DOK6: variants seen among roughly 807,000 people sequenced by gnomAD.
DOK6 encodes the protein downstream of tyrosine kinase 6.
Under a neutral mutation model 44.0 loss-of-function variants are expected in DOK6, and 22 were observed. That is an observed-to-expected ratio of 0.50 (90% CI 0.36 to 0.71). The LOEUF (loss-of-function observed/expected upper bound fraction) is 0.71. Among genes scored for constraint, DOK6 ranks in the 30% least tolerant of loss-of-function variants. The pLI, the probability that DOK6 is intolerant of heterozygous loss-of-function variation, is 0.00. For synonymous variants in DOK6, 166 were observed against 145.5 expected (o/e 1.14, Z -1.01); for missense variants, 340 against 416.4 (o/e 0.82, Z 1.60).
intron 7 of DOK6, among the ~76,000 whole-genome samples, chr18:69,837,721 G>GA (rs200909145): frequency 6.6e-6 from 1 of 152,090 alleles, no homozygotes; most frequent in Admixed American, 6.6e-5. Context: ...TCCCCATGCA[G>GA]AAAAAAATGA....
chr18:69,634,988 C>G (rs1335678768), intron 3 of DOK6, among the ~76,000 whole-genome samples: 1 of 152,206 alleles, frequency 6.6e-6, no homozygotes, highest in Non-Finnish European at 1.5e-5. Context: ...TCACTGACTT[C>G]TTCCTGCCGC....
At chr18:69,768,831 C>A (rs1290621432) in intron 7 of DOK6, among the ~76,000 whole-genome samples, 3 of 151,752 alleles carry the variant, frequency 2.0e-5, no homozygotes, top group African/African-American at 7.3e-5. Flanking sequence ...AGCTGTCCAA[C>A]AATTAATAGA....
chr18:69,763,711 T>C (rs1397749451), intron 7 of DOK6, among the ~76,000 whole-genome samples: 1 of 152,236 alleles, frequency 6.6e-6, no homozygotes. Context: ...TCACCTTGAC[T>C]TTTAATCACC....
intron 1 of DOK6, among the ~76,000 whole-genome samples, chr18:69,418,887 A>C (rs963950775): frequency 6.6e-6 from 1 of 152,028 alleles, no homozygotes; most frequent in Admixed American, 6.6e-5. Context: ...TGGGGAAAAA[A>C]CTTTTTTTGC....
intron 1 of DOK6, among the ~76,000 whole-genome samples, chr18:69,529,465 T>C (rs1355698802): frequency 6.6e-6 from 1 of 152,228 alleles, no homozygotes; most frequent in Non-Finnish European, 1.5e-5. Flanking sequence ...CTTTATTTAT[T>C]TGTGCATTTA....
At position 69,530,202 on chromosome 18, in the gene DOK6, G is replaced by A. The variant is rs192564638; in HGVS notation, c.67-34285G>A. ...AGTAGATTCAGGTCTCTGATTCCAA[G>A]GCACACTGCTTTTAAATACCACACT... is the stretch of plus-strand genomic sequence containing the variant. On this transcript the variant is annotated intron_variant, in intron 1 of 7. Coordinates refer to ENST00000382713, the MANE Select transcript of DOK6 (RefSeq NM_152721.6). Among the ~76,000 whole-genome samples, 384 of 152,232 alleles carry A rather than the reference G, an allele frequency of 2.5e-3. 1 individual carries two copies. The highest frequency in any genetic ancestry group is 2.7e-3 in the Non-Finnish European group (185 of 68,020).
At chr18:69,481,879 C>T (rs934329639) in intron 1 of DOK6, among the ~76,000 whole-genome samples, 3 of 152,182 alleles carry the variant, frequency 2.0e-5, no homozygotes, top group African/African-American at 7.2e-5. Flanking sequence ...TCCTCTCCAG[C>T]ACCTGTTGTT....
chr18:69,841,178 T>C (rs1982206061), intron 7 of DOK6, 66 bp from the exon 8 acceptor site: 8 of 1,588,578 alleles, frequency 5.0e-6, no homozygotes, highest in South Asian at 1.1e-5. Context: ...AGATAGATGA[T>C]AGATAGTGTA....
intron 3 of DOK6, among the ~76,000 whole-genome samples, chr18:69,649,724 A>G (rs1184316312): frequency 6.6e-6 from 1 of 152,222 alleles, no homozygotes; most frequent in Non-Finnish European, 1.5e-5. Flanking sequence ...TTGCATATTT[A>G]GAAAAGGCAA....
chr18:69,839,985 T>C lies in DOK6; in HGVS notation c.857-1259T>C, dbSNP rs73970284. Among the ~76,000 whole-genome samples, 1,425 of 152,348 alleles carry C rather than the reference T, an allele frequency of 9.4e-3. 14 individuals carry two copies. The highest frequency in any genetic ancestry group is 0.032 in the African/African-American group (1,341 of 41,572). On this transcript the variant is annotated intron_variant, in intron 7 of 7. Transcript: ENST00000382713. ...CAGTATTTTGACATTTAAATGGTTC[T>C]ACCGCTAAGTGGTTAAGTGGTTCCG...
In DOK6 at chr18:69,498,270, A is replaced by C. The variant is rs547926152; in HGVS notation, c.67-66217A>C. On this transcript the variant is annotated intron_variant, in intron 1 of 7. Coordinates refer to ENST00000382713, the MANE Select transcript of DOK6 (RefSeq NM_152721.6). Reference sequence around the variant, plus strand: ...TTTATTAATGAAAATAAAGTATAATAACAAGTTTGTAAATTTTTAACTTAC... The same window carrying C: ...TTTATTAATGAAAATAAAGTATAATCACAAGTTTGTAAATTTTTAACTTAC... 1.1e-3 allele frequency among the ~76,000 whole-genome samples: 163 copies of C among 152,284 alleles called. 2 individuals are homozygous for C. Among genetic ancestry groups the C allele is most frequent in the Middle Eastern group, 6.8e-3 (2 of 294 alleles).
At chr18:69,605,701 TA>T (rs924637206) in intron 3 of DOK6, among the ~76,000 whole-genome samples, 1 of 152,044 alleles carries the variant, frequency 6.6e-6, no homozygotes, top group Non-Finnish European at 1.5e-5. Context: ...ACATTCATGA[TA>T]AAAACTATGA....
intron 7 of DOK6, among the ~76,000 whole-genome samples, chr18:69,800,537 A>T (rs1980874720): frequency 6.6e-6 from 1 of 152,144 alleles, no homozygotes; most frequent in Non-Finnish European, 1.5e-5. Context: ...ATTTTGTCAG[A>T]ACTGGTTATT....
intron 3 of DOK6, among the ~76,000 whole-genome samples, chr18:69,646,229 C>T (rs778272541): frequency 5.3e-5 from 8 of 152,022 alleles, no homozygotes; most frequent in Non-Finnish European, 1.2e-4. Context: ...TTTTCTTCTT[C>T]AGGGATTCCA....
intron 5 of DOK6, among the ~76,000 whole-genome samples, chr18:69,730,083 G>A (rs1192169819): frequency 6.6e-6 from 1 of 152,154 alleles, no homozygotes; most frequent in South Asian, 2.1e-4. Flanking sequence ...AAGAGATACA[G>A]CCAAGTAAAA....
At chr18:69,743,809 T>A (rs1978882939) in intron 6 of DOK6, among the ~76,000 whole-genome samples, 2 of 111,594 alleles carry the variant, frequency 1.8e-5, no homozygotes, top group Admixed American at 2.3e-4. Flanking sequence ...AAAATGAGAA[T>A]TTCAGTGTAT....
intron 7 of DOK6, among the ~76,000 whole-genome samples, chr18:69,793,102 C>A (rs937997090): frequency 6.6e-6 from 1 of 152,000 alleles, no homozygotes; most frequent in African/African-American, 2.4e-5. Context: ...ATAAATAGTA[C>A]CAGAGGATCA....
intron 3 of DOK6, among the ~76,000 whole-genome samples, chr18:69,624,018 G>GTA (rs530110414): frequency 1.3e-4 from 20 of 152,080 alleles, no homozygotes; most frequent in Non-Finnish European, 2.5e-4. Context: ...GTAACTGCCA[G>GTA]TATTATGGCT....
In DOK6 at chr18:69,791,883, A is replaced by G. The variant is rs542538729; in HGVS notation, c.856+34010A>G. ...TTTCTTTTAATAGTTGCATAGTTTC[A>G]GGTCTTAGATTTAAGTCTTTAATCC... On this transcript the variant is annotated intron_variant, in intron 7 of 7. Coordinates refer to ENST00000382713, the MANE Select transcript of DOK6 (RefSeq NM_152721.6). Among the ~76,000 whole-genome samples the G allele has an allele frequency of 3.9e-5, 6 of 152,266 alleles. No individual in the cohort carries two copies. The South Asian group carries it at 1.0e-3, about 26-fold the overall frequency.
Sources: allele counts gnomAD v4.1 joint callset (sites outside exome capture counted in the v4.1 genomes callset), GRCh38; gene constraint gnomAD v4.1.1; transcripts MANE v1.5; gene names NCBI Gene and HGNC (gene_info 2026-07-23, HGNC 2026-07-21).